The following TMEM184B variants were observed in gnomAD, a reference collection of about 807,000 sequenced individuals.
TMEM184B encodes the protein putative MAPK-activating protein FM08.
In TMEM184B, 17 loss-of-function variants were observed where a neutral mutation model predicts 41.8. The observed-to-expected ratio is 0.41, with a 90% CI of 0.28 to 0.61. The LOEUF (loss-of-function observed/expected upper bound fraction) is 0.61. TMEM184B is among the 20% of genes least tolerant of loss of function. TMEM184B has a pLI of 0.34. For missense variants in TMEM184B, 393 were observed against 557.8 expected (o/e 0.70, Z 2.98); for synonymous variants, 240 against 229.5 (o/e 1.05, Z -0.41).
chr22:38,230,790 A>C, intron 4 of TMEM184B, 46 bp from the exon 5 acceptor site: 1 of 1,578,148 alleles, frequency 6.3e-7, no homozygotes, highest in Non-Finnish European at 8.6e-7. Context: ...GTGAAGAGCC[A>C]GGACTTGGGA....
At chr22:38,242,328 A>G (rs1401950226) in intron 3 of TMEM184B, among the ~76,000 whole-genome samples, 1 of 151,520 alleles carries the variant, frequency 6.6e-6, no homozygotes, top group Non-Finnish European at 1.5e-5. Flanking sequence ...AAAAAAAAAA[A>G]TTAGCCGGGC....
chr22:38,256,919 C>T (rs573449213), intron 1 of TMEM184B, among the ~76,000 whole-genome samples: 3 of 151,480 alleles, frequency 2.0e-5, no homozygotes, highest in Admixed American at 6.6e-5. Flanking sequence ...GCTTCCTCAA[C>T]GGGTGACGTC....
chr22:38,268,605 T>A (rs2092477453), intron 1 of TMEM184B, among the ~76,000 whole-genome samples: 1 of 152,148 alleles, frequency 6.6e-6, no homozygotes. Flanking sequence ...AAACATTTAT[T>A]TCAGGTCTAC....
intron 1 of TMEM184B, among the ~76,000 whole-genome samples, chr22:38,270,210 C>T (rs576895851): frequency 6.9e-4 from 105 of 152,238 alleles, no homozygotes; most frequent in African/African-American, 2.5e-3. Context: ...GGTGGAGCAC[C>T]CCTCGTCCTT....
Position 38,221,708 on chromosome 22 carries a change from G to A in TMEM184B, c.985C>T (p.Arg329Cys), listed in dbSNP as rs1027047502. 3.1e-6 allele frequency: 5 copies of A among 1,613,556 alleles called. No homozygotes were observed. Among genetic ancestry groups the A allele is most frequent in the Admixed American group, 1.7e-5 (1 of 60,020 alleles). Residue 329 changes from arginine (R) to cysteine (C), a missense_variant and splice_region_variant, in exon 9 of 9, where the codon CGC becomes TGC. By Grantham distance (180) the Arg-to-Cys change is radical (BLOSUM62 -3). This residue lies in a region of TMEM184B where 271 missense variants were observed against 434.1 expected (regional missense o/e 0.62). Coordinates refer to ENST00000361906, the MANE Select transcript of TMEM184B (RefSeq NM_012264.5). ...GAGATGCTCTTCATGGGGGCACAGC[G>A]GCCTGCCGGGCAGGGAGCGGGAGGG... ...YADKRLDAQG[R>C]CAPMKSISSS... is the part of the protein sequence containing the mutation.
rs1218171402 is a variant in TMEM184B at position 38,226,754 on chromosome 22, A to G, written c.617+25T>C. ...GCCTGCGCCAACACTCCTCCCACAC[A>G]CCCCGGGGAGCACCCGCTGCTTACT... On this transcript the variant is annotated intron_variant, in intron 6 of 8. Coordinates refer to ENST00000361906, the MANE Select transcript of TMEM184B (RefSeq NM_012264.5). The surrounding 1 kb of genome is among the most constrained non-coding windows in gnomAD (Gnocchi z 4.6). 2 of 1,567,746 alleles carry G rather than the reference A, an allele frequency of 1.3e-6. No homozygotes were observed. The highest frequency in any genetic ancestry group is 2.7e-5 in the African/African-American group (2 of 73,654).
intron 5 of TMEM184B, among the ~76,000 whole-genome samples, chr22:38,228,052 C>G (rs1421488422): frequency 6.6e-6 from 1 of 152,154 alleles, no homozygotes; most frequent in Non-Finnish European, 1.5e-5. Flanking sequence ...ATCCGTGAAA[C>G]CTGCAGCTTC....
At chr22:38,249,616 G>A (rs376486178) in intron 1 of TMEM184B, among the ~76,000 whole-genome samples, 86 of 152,260 alleles carry the variant, frequency 5.6e-4, no homozygotes, top group African/African-American at 2.0e-3. Flanking sequence ...AGAAGGCACC[G>A]TCTCTGAGCC....
At chr22:38,270,600 C>T (rs907574298) in intron 1 of TMEM184B, among the ~76,000 whole-genome samples, 4 of 152,158 alleles carry the variant, frequency 2.6e-5, no homozygotes, top group Non-Finnish European at 4.4e-5. Context: ...GCATGGTCTT[C>T]GGTGAGTGCT....
chr22:38,237,803 T>C (rs1353127888), intron 3 of TMEM184B, among the ~76,000 whole-genome samples: 11 of 137,340 alleles, frequency 8.0e-5, no homozygotes, highest in African/African-American at 3.0e-4. Context: ...CCTACTGTCT[T>C]TTTTTTTTTT....
rs932535818 is a variant in TMEM184B, at chr22:38,249,692, G to T, written c.-58-1673C>A. Among the ~76,000 whole-genome samples, 21 of 152,320 alleles carry T rather than the reference G, an allele frequency of 1.4e-4. 1 individual carries two copies. The highest frequency in any genetic ancestry group is 5.1e-4 in the African/African-American group (21 of 41,578). On this transcript the variant is annotated intron_variant, in intron 1 of 8. Coordinates refer to ENST00000361906, the MANE Select transcript of TMEM184B (RefSeq NM_012264.5). ...TTGATCTTGGACTTCCCAGCCTCCA[G>T]AACTGTGAGGAAGGAGGCAGTCGAT...
At position 38,225,484 on chromosome 22, in the gene TMEM184B, A is replaced by G. The variant is rs1177413837; in HGVS notation, c.727T>C (p.Tyr243His). The change falls in exon 7 of 9, where the codon TAC becomes CAC. Residue 243 changes from tyrosine (Y) to histidine (H), a missense_variant. Around this residue, in one of 2 missense-constraint regions of TMEM184B, gnomAD observed 271 missense variants for 434.1 expected, o/e 0.62. Transcript: ENST00000361906. The surrounding 1 kb of genome is among the most constrained non-coding windows in gnomAD (Gnocchi z 4.4). ...ATGAAGAACTTGAGGACGGGGCTGT[A>G]GGGGCTGAGCAGCTCCCGGGTGGCG... ...YFATRELLSP[Y>H]SPVLKFFMVK... 7.5e-6 allele frequency: 12 copies of G among 1,591,620 alleles called. No homozygotes were observed. Among genetic ancestry groups the G allele is most frequent in the Non-Finnish European group, 1.0e-5 (12 of 1,172,350 alleles).
intron 1 of TMEM184B, chr22:38,272,644 G>A: frequency 2.0e-6 from 2 of 985,526 alleles, no homozygotes; most frequent in Non-Finnish European, 2.4e-6. Context: ...ACGTTGGCGT[G>A]GAAAGGGAGC....
At chr22:38,240,206 T>A (rs562405980) in intron 3 of TMEM184B, among the ~76,000 whole-genome samples, 52 of 151,730 alleles carry the variant, frequency 3.4e-4, no homozygotes, top group African/African-American at 1.2e-3. Context: ...ATTCAAGAGA[T>A]AGAGACAATG....
Position 38,247,899 on chromosome 22 carries a change from C to T in TMEM184B, c.63G>A (p.Ser21=), listed in dbSNP as rs148242477. The T allele has an allele frequency of 1.1e-4, 169 of 1,608,964 alleles. No individual in the cohort carries two copies. Among genetic ancestry groups the T allele is most frequent in the East Asian group, 6.7e-4 (30 of 44,764 alleles). Residue 21 remains serine, a synonymous_variant, in exon 2 of 9, where the codon TCG becomes TCA. Transcript: ENST00000361906. The stretch of plus-strand genomic sequence containing the variant: ...CCTCGGGGATCACGGAGACGCTGGG[C>T]GAGGCTGCTGCGGTCGTGGGCGACG... The part of the protein sequence containing the change: ...DPASPTTAAA[S]PSVSVIPEGS...
At position 38,246,445 on chromosome 22, in the gene TMEM184B, C is replaced by T. The variant is rs780648390; in HGVS notation, c.193-345G>A. 5.7e-5 allele frequency: 17 copies of T among 296,628 alleles called. 1 individual carries two copies. Among genetic ancestry groups the T allele is most frequent in the South Asian group, 3.3e-4 (9 of 27,306 alleles). The allele number at this position is 296,628 out of a possible 1,614,324, so 18.4% of individuals were successfully genotyped here. A position where few individuals can be genotyped will look rare whatever the true frequency, so the allele number is the denominator to read the frequency against. ...TCCACAAGCTCCCCAGGGGACCTCA[C>T]GCACTGGCAGCTCTGGGCCATCAGT... On this transcript the variant is annotated intron_variant, in intron 2 of 8. Transcript: ENST00000361906.
chr22:38,261,355 TC>T (rs926826729), intron 1 of TMEM184B, among the ~76,000 whole-genome samples: 1 of 151,900 alleles, frequency 6.6e-6, no homozygotes, highest in Non-Finnish European at 1.5e-5. Context: ...TCCTTCCGTC[TC>T]CCCTTCAATC....
downstream of TMEM184B, among the ~76,000 whole-genome samples, chr22:38,217,117 A>C (rs2091157999): frequency 6.6e-6 from 1 of 151,494 alleles, no homozygotes; most frequent in South Asian, 2.1e-4. Context: ...ATTTGAGGTC[A>C]GGAGTTCAAG....
At position 38,246,235 on chromosome 22, in the gene TMEM184B, C is replaced by G. The variant is rs973381133; in HGVS notation, c.193-135G>C. Reference sequence around the variant, plus strand: ...CCTACCCCTGAGCCTCAGAGCCCTGCTCTGCAAAATGCGGGATGACAGGAC... The same window carrying G: ...CCTACCCCTGAGCCTCAGAGCCCTGGTCTGCAAAATGCGGGATGACAGGAC... On this transcript the variant is annotated intron_variant, in intron 2 of 8. Transcript: ENST00000361906. The G allele has an allele frequency of 1.5e-5, 17 of 1,119,646 alleles. No homozygotes were observed. The African/African-American group carries it at 2.7e-4, about 18-fold the overall frequency. 69.4% of individuals were successfully genotyped at this position (1,119,646 alleles called of 1,614,324 possible).
Sources: gnomAD v4.1 joint callset for allele counts (sites outside exome capture counted in the v4.1 genomes callset) on GRCh38, gnomAD v4.1.1 for gene constraint, gnomAD v4.1.1 regional missense constraint, Gnocchi (gnomAD v3.1) non-coding constraint, MANE v1.5 for transcripts, NCBI Gene and HGNC (gene_info 2026-07-23, HGNC 2026-07-21) for gene names.